MS4A13: variants seen among roughly 807,000 people sequenced by gnomAD.
MS4A13 encodes the protein membrane spanning 4-domains A13.
MS4A13 carries 21 observed loss-of-function variants against 18.4 expected under a neutral mutation model. The ratio of observed to expected loss-of-function variants is 1.14; its 90% CI spans 0.81 to 1.64. The LOEUF (loss-of-function observed/expected upper bound fraction) is 1.64. MS4A13 is among the 40% of genes most tolerant of loss of function. The pLI, the probability that MS4A13 is intolerant of heterozygous loss-of-function variation, is 0.00. For missense variants in MS4A13, 173 were observed against 176.8 expected, an observed-to-expected ratio of 0.98 and a Z score of 0.12; for synonymous variants, 62 against 57.2, an observed-to-expected ratio of 1.08 and a Z score of -0.38.
intron 3 of MS4A13, among the ~76,000 whole-genome samples, 198 bp from the exon 4 acceptor site, chr11:60,523,699 T>C (rs1347654450): frequency 6.6e-6 from 1 of 152,206 alleles, no homozygotes; most frequent in East Asian, 1.9e-4. Context: ...TGTGTCTCTG[T>C]TATGAGTGAC....
At chr11:60,528,876 A>C (rs1382180496) in intron 5 of MS4A13, among the ~76,000 whole-genome samples, 1 of 152,236 alleles carries the variant, frequency 6.6e-6, no homozygotes, top group Non-Finnish European at 1.5e-5. Context: ...TGAATGTATT[A>C]ATCATTTTAA....
At chr11:60,531,437 G>C (rs954008554) in intron 6 of MS4A13, among the ~76,000 whole-genome samples, 4 of 152,138 alleles carry the variant, frequency 2.6e-5, no homozygotes, top group African/African-American at 4.8e-5. Context: ...AAGGAGACAG[G>C]AGAAGGTCCT....
At chr11:60,537,997 A>G (rs1359837037) in intron 6 of MS4A13, among the ~76,000 whole-genome samples, 2 of 124,642 alleles carry the variant, frequency 1.6e-5, no homozygotes, top group East Asian at 5.0e-4. Context: ...TGGACACAGG[A>G]AGGGGAATAT....
rs2086716745 is a variant in MS4A13, at chr11:60,526,841, G to A, written c.306+1515G>A. Among the ~76,000 whole-genome samples the A allele has an allele frequency of 2.0e-5, 3 of 152,270 alleles. No individual in the cohort carries two copies. The South Asian group carries it at 6.2e-4, about 32-fold the overall frequency. ...AAAATGGTTAATAGTATAGATTCCA[G>A]GATCAGAGTGCACTTATTTAAATAC... On this transcript the variant is annotated intron_variant, in intron 5 of 6. Coordinates refer to ENST00000378186, the MANE Select transcript of MS4A13 (RefSeq NM_001012417.3).
chr11:60,531,341 G>C lies in MS4A13; in HGVS notation c.402+1881G>C, dbSNP rs187599462. Among the ~76,000 whole-genome samples, 173 of 152,268 alleles carry C rather than the reference G, an allele frequency of 1.1e-3. 1 individual carries two copies. The highest frequency in any genetic ancestry group is 4.0e-3 in the African/African-American group (168 of 41,562). ...ACTCAACAGAGAAATTTGAAGAACAGGACAGCCACAGTGGACCTTGATAAC... is the reference window on the plus strand; with the variant it reads ...ACTCAACAGAGAAATTTGAAGAACACGACAGCCACAGTGGACCTTGATAAC... On this transcript the variant is annotated intron_variant, in intron 6 of 6. Coordinates refer to ENST00000378186, the MANE Select transcript of MS4A13 (RefSeq NM_001012417.3).
chr11:60,520,443 C>T (rs558050120), intron 3 of MS4A13, among the ~76,000 whole-genome samples: 123 of 152,292 alleles, frequency 8.1e-4, no homozygotes, highest in African/African-American at 2.8e-3. Context: ...TTAGTTACTT[C>T]CTAGATACAA....
At chr11:60,528,554 C>T (rs941341022) in intron 5 of MS4A13, among the ~76,000 whole-genome samples, 2 of 152,084 alleles carry the variant, frequency 1.3e-5, no homozygotes, top group East Asian at 3.8e-4. Context: ...ATTCCTACTA[C>T]CAGATAGTTT....
At chr11:60,517,160 G>A (rs1052410746) in intron 2 of MS4A13, among the ~76,000 whole-genome samples, 1 of 149,738 alleles carries the variant, frequency 6.7e-6, no homozygotes, top group Admixed American at 6.7e-5. Context: ...ATGCATGATC[G>A]TTACCAAAAA....
chr11:60,521,331 TTTTTC>T (rs1305337588), intron 3 of MS4A13, among the ~76,000 whole-genome samples: 5 of 152,244 alleles, frequency 3.3e-5, no homozygotes, highest in South Asian at 2.1e-4. Context: ...AGAAAATGGG[TTTTTC>T]TTTTCTATCA....
intron 6 of MS4A13, among the ~76,000 whole-genome samples, chr11:60,533,854 TG>T (rs1021331438): frequency 1.4e-5 from 1 of 73,666 alleles, no homozygotes; most frequent in Non-Finnish European, 2.5e-5. Flanking sequence ...CAGAAGAGAG[TG>T]GGGGCCAATA....
chr11:60,542,239 GGAGAAAGAAAAA>G (rs1804863684), intron 6 of MS4A13, among the ~76,000 whole-genome samples: 1 of 62,712 alleles, frequency 1.6e-5, no homozygotes, highest in African/African-American at 5.0e-5. Flanking sequence ...AAGGAAGGAA[GGAGAAAGAAAAA>G]GAGAAAGAAA....
chr11:60,518,297 C>G, intron 3 of MS4A13, 85 bp downstream of exon 3: 1 of 1,139,972 alleles, frequency 8.8e-7, no homozygotes, highest in East Asian at 2.6e-5. Context: ...GGTTTCTGAA[C>G]AAGGTTTTCA....
chr11:60,518,935 G>A (rs2135247436), intron 3 of MS4A13, among the ~76,000 whole-genome samples: 1 of 152,270 alleles, frequency 6.6e-6, no homozygotes, highest in East Asian at 1.9e-4. Flanking sequence ...GGTGATAGCT[G>A]GGGAAACTTG....
In MS4A13 at chr11:60,523,909, G is replaced by A. The variant is rs1389594983; in HGVS notation, c.142G>A (p.Gly48Arg). ...TLWGIFFIIA[G>R]VFLIRVTKYP... ...TTTTTATATCCAGTTTATCATTGCA[G>A]GAGTCTTCCTAATAAGAGTAACAAA... The change falls in exon 4 of 7, where the codon GGA becomes AGA. Residue 48 changes from glycine (G) to arginine (R), a missense_variant. Transcript: ENST00000378186. 2.0e-6 allele frequency: 3 copies of A among 1,528,532 alleles called. No homozygotes were observed. The highest frequency in any genetic ancestry group is 1.4e-5 in the African/African-American group (1 of 73,718). 94.7% of individuals were successfully genotyped at this position (1,528,532 alleles called of 1,614,324 possible).
intron 1 of MS4A13, 96 bp downstream of exon 1, chr11:60,515,703 A>G (rs1242975256): frequency 6.6e-6 from 1 of 152,220 alleles, no homozygotes; most frequent in Non-Finnish European, 1.5e-5. Flanking sequence ...ATACTCTGTA[A>G]ACAGTAGGCA....
chr11:60,527,906 G>C (rs2086732254), intron 5 of MS4A13, among the ~76,000 whole-genome samples: 3 of 152,110 alleles, frequency 2.0e-5, no homozygotes, highest in Admixed American at 1.3e-4. Flanking sequence ...AGTCTTGTCA[G>C]CTAAGAGGTC....
rs200057496 is a variant in MS4A13, at chr11:60,542,580, C to A, written c.*5C>A. 7.5e-6 allele frequency: 12 copies of A among 1,599,018 alleles called. No individual in the cohort carries two copies. The highest frequency in any genetic ancestry group is 1.0e-5 in the Non-Finnish European group (12 of 1,169,886). ...GAAGCTGAGAGCACTCCTTAAAAAC[C>A]CTAGAAATATGAGAATTTTGCTGTT... On this transcript the variant is annotated 3_prime_UTR_variant, in exon 7 of 7. Coordinates refer to ENST00000378186, the MANE Select transcript of MS4A13 (RefSeq NM_001012417.3).
intron 6 of MS4A13, among the ~76,000 whole-genome samples, chr11:60,540,932 G>T (rs1243345471): frequency 3.3e-5 from 5 of 149,256 alleles, no homozygotes; most frequent in African/African-American, 4.9e-5. Context: ...CCCAGTGTGG[G>T]TGACAGAGTA....
chr11:60,527,410 C>CTCTCTCTCTG (rs1555024373), intron 5 of MS4A13, among the ~76,000 whole-genome samples: 2 of 28,806 alleles, frequency 6.9e-5, no homozygotes, highest in African/African-American at 3.2e-4. Flanking sequence ...CTCTCTCTCT[C>CTCTCTCTCTG]TGTGTGTGTG....
Sources: allele counts gnomAD v4.1 joint callset (sites outside exome capture counted in the v4.1 genomes callset), GRCh38; gene constraint gnomAD v4.1.1; transcripts MANE v1.5; gene names NCBI Gene and HGNC (gene_info 2026-07-23, HGNC 2026-07-21).